Variants in TRIM2 observed in about 807,000 individuals in gnomAD.
TRIM2 encodes tripartite motif-containing protein 2.
A neutral mutation model predicts 75.2 loss-of-function variants in TRIM2; 20 were observed. The ratio of observed to expected loss-of-function variants is 0.27; its 90% CI spans 0.19 to 0.39. The LOEUF is 0.39. Ranked by LOEUF, TRIM2 falls within the 10% of genes least tolerant of loss-of-function variation. The pLI is 1.00. For missense variants in TRIM2, 660 were observed against 990.8 expected, an observed-to-expected ratio of 0.67 and a Z score of 4.48; for synonymous variants, 373 against 388.3, an observed-to-expected ratio of 0.96 and a Z score of 0.46.
At position 153,315,983 on chromosome 4, in the gene TRIM2, C is replaced by T. The variant is rs921922842; in HGVS notation, c.1766C>T (p.Ser589Phe). ...YDNKWVSIFS[S>F]DGKFKTKIGS... ...AATAAATGGGTCAGCATTTTCTCCT[C>T]CGATGGGAAATTTAAGGTAAGATTA... The change falls in exon 8 of 12, where the codon TCC becomes TTC. Residue 589 changes from serine (S) to phenylalanine (F), a missense_variant. Ser to Phe is a radical substitution (Grantham distance 155). Around this residue, in one of 2 missense-constraint regions of TRIM2, gnomAD observed 620 missense variants for 891.0 expected, o/e 0.70. Coordinates refer to ENST00000338700, the MANE Select transcript of TRIM2 (RefSeq NM_015271.5). 2 of 1,569,602 alleles carry T rather than the reference C, an allele frequency of 1.3e-6. No individual in the cohort carries two copies. The highest frequency in any genetic ancestry group is 2.7e-5 in the African/African-American group (2 of 73,024).
intron 3 of TRIM2, among the ~76,000 whole-genome samples, chr4:153,281,880 G>C (rs1428780639): frequency 6.6e-6 from 1 of 152,226 alleles, no homozygotes; most frequent in Non-Finnish European, 1.5e-5. Context: ...GTTATTGGTT[G>C]CTTAGGCACC....
intron 1 of TRIM2, among the ~76,000 whole-genome samples, chr4:153,196,992 T>A (rs1018967928): frequency 4.6e-5 from 7 of 152,222 alleles, no homozygotes; most frequent in Non-Finnish European, 7.3e-5. Context: ...ATTGGTCATA[T>A]GCAGACCGAG....
chr4:153,292,615 A>T lies in TRIM2; in HGVS notation c.454-367A>T, dbSNP rs568308950. Among the ~76,000 whole-genome samples the T allele has an allele frequency of 4.7e-4, 72 of 152,344 alleles. No homozygotes were observed. In the South Asian group the frequency reaches 6.0e-3, roughly 13 times the overall value. Reference sequence around the variant, plus strand: ...CTAGTTTCAATTTTTAATATAAGAAATATCTATAAATATAACCCACATACA... The same window carrying T: ...CTAGTTTCAATTTTTAATATAAGAATTATCTATAAATATAACCCACATACA... On this transcript the variant is annotated intron_variant, in intron 3 of 11. Coordinates refer to ENST00000338700, the MANE Select transcript of TRIM2 (RefSeq NM_015271.5).
At chr4:153,186,225 G>C (rs1266035098) in intron 1 of TRIM2, among the ~76,000 whole-genome samples, 1 of 152,078 alleles carries the variant, frequency 6.6e-6, no homozygotes, top group African/African-American at 2.4e-5. Flanking sequence ...GGCGTGGTCT[G>C]AGTGCTGGGA....
chr4:153,295,320 A>G lies in TRIM2; in HGVS notation c.794A>G (p.Gln265Arg), dbSNP rs1435813734. The G allele has an allele frequency of 2.5e-6, 4 of 1,593,162 alleles. No homozygotes were observed. In the Admixed American group the frequency reaches 5.2e-5, roughly 21 times the overall value. ...VNYGLKHKVL[Q>R]SQLDTLLQGQ... ...CCTCCGGTTTTCCCGCAGGTCCTCC[A>G]GTCGCAGCTGGATACTCTGCTCCAG... The change falls in exon 6 of 12, where the codon CAG (glutamine) becomes CGG (arginine). Residue 265 changes from glutamine (Q) to arginine (R), a missense_variant. By Grantham distance (43) the Gln-to-Arg change is conservative. Transcript: ENST00000338700. This position sits in a 1 kb window ranked among gnomAD's most constrained non-coding sequence, Gnocchi z 7.2.
intron 5 of TRIM2, 39 bp downstream of exon 5, chr4:153,294,524 T>G: frequency 6.3e-7 from 1 of 1,599,602 alleles, no homozygotes; most frequent in African/African-American, 1.3e-5. Flanking sequence ...GGAAGAGACA[T>G]GATATCCAAG....
At chr4:153,293,855 C>A (rs189851429) in intron 4 of TRIM2, among the ~76,000 whole-genome samples, 1 of 152,082 alleles carries the variant, frequency 6.6e-6, no homozygotes, top group East Asian at 1.9e-4. Context: ...CTCAGCCATT[C>A]GGCAATGCCT....
intron 1 of TRIM2, among the ~76,000 whole-genome samples, chr4:153,244,662 G>T (rs894022422): frequency 2.6e-5 from 4 of 151,948 alleles, no homozygotes; most frequent in Admixed American, 1.3e-4. Context: ...TTTATTAATT[G>T]CAGTGTCTTT....
chr4:153,247,995 GTTTTTT>G (rs34416658), intron 1 of TRIM2, among the ~76,000 whole-genome samples: 1 of 128,742 alleles, frequency 7.8e-6, no homozygotes, highest in African/African-American at 3.0e-5. Flanking sequence ...TGGATCATGT[GTTTTTT>G]TTTTTTTTTT....
At chr4:153,263,964 G>C in intron 1 of TRIM2, among the ~76,000 whole-genome samples, 1 of 152,156 alleles carries the variant, frequency 6.6e-6, no homozygotes, top group East Asian at 1.9e-4. Context: ...TCACATTGGG[G>C]GTTAGGGCTT....
chr4:153,244,183 C>T (rs1747626469), intron 1 of TRIM2, among the ~76,000 whole-genome samples: 3 of 139,868 alleles, frequency 2.1e-5, no homozygotes, highest in South Asian at 2.3e-4. Flanking sequence ...TCTTCTTCTC[C>T]TCCTTCTTCT....
intron 1 of TRIM2, among the ~76,000 whole-genome samples, chr4:153,174,086 C>T (rs559707389): frequency 1.6e-3 from 60 of 37,064 alleles, no homozygotes; most frequent in Non-Finnish European, 2.7e-3. Context: ...GAATAGCCCT[C>T]GTGGGTGCCT....
chr4:153,210,678 G>T (rs759886207), intron 1 of TRIM2, among the ~76,000 whole-genome samples: 1 of 152,178 alleles, frequency 6.6e-6, no homozygotes, highest in African/African-American at 2.4e-5. Context: ...CGAAACAGCA[G>T]CAATCAGTGA....
At chr4:153,237,252 CATT>C (rs1745272255) in intron 1 of TRIM2, among the ~76,000 whole-genome samples, 1 of 152,130 alleles carries the variant, frequency 6.6e-6, no homozygotes, top group Admixed American at 6.6e-5. Flanking sequence ...GGCATGTAAA[CATT>C]AGTACCATAT....
At chr4:153,186,456 G>T (rs1732604940) in intron 1 of TRIM2, among the ~76,000 whole-genome samples, 1 of 152,146 alleles carries the variant, frequency 6.6e-6, no homozygotes, top group African/African-American at 2.4e-5. Flanking sequence ...TTAACCTCAG[G>T]TAAATACTTA....
rs147354086 is a variant in TRIM2 at position 153,326,838 on chromosome 4, G to A, written c.2023-1692G>A. Among the ~76,000 whole-genome samples, 664 of 152,106 alleles carry A rather than the reference G, an allele frequency of 4.4e-3. 4 individuals are homozygous for A. Among genetic ancestry groups the A allele is most frequent in the African/African-American group, 0.015 (615 of 41,490 alleles). ...TCCAGTAAAAATACAAAAATTAGCC[G>A]GGCGTGGTGGTGGGCGCCTGTAACC... On this transcript the variant is annotated intron_variant, in intron 10 of 11. Transcript: ENST00000338700.
rs1005184404 is a variant in TRIM2, at chr4:153,248,002, T to TG, written c.31-22333_31-22332insG. ...TCAGGCATTGGATCATGTGTTTTTT[T>TG]TTTTTTTTTTTGAGATGGAGTCTCG... On this transcript the variant is annotated intron_variant, in intron 1 of 11. Transcript: ENST00000338700. The surrounding 1 kb of genome is among the most constrained non-coding windows in gnomAD (Gnocchi z 4.0). Among the ~76,000 whole-genome samples the TG allele has an allele frequency of 2.7e-5, 4 of 150,826 alleles. No individual in the cohort carries two copies. Among genetic ancestry groups the TG allele is most frequent in the African/African-American group, 9.8e-5 (4 of 40,850 alleles).
At chr4:153,204,141 C>T (rs561531879), upstream of TRIM2, among the ~76,000 whole-genome samples, 3 of 152,278 alleles carry the variant, frequency 2.0e-5, no homozygotes, top group East Asian at 5.8e-4. Context: ...TTTAAAAATA[C>T]ATATTATTAT....
chr4:153,219,021 G>A (rs1029556247), intron 1 of TRIM2, among the ~76,000 whole-genome samples: 1 of 152,034 alleles, frequency 6.6e-6, no homozygotes, highest in African/African-American at 2.4e-5. Context: ...TTGGATTATA[G>A]TTAATTGTGT....
Sources: gnomAD v4.1 joint callset for allele counts (sites outside exome capture counted in the v4.1 genomes callset) on GRCh38, gnomAD v4.1.1 for gene constraint, gnomAD v4.1.1 regional missense constraint, Gnocchi (gnomAD v3.1) non-coding constraint, MANE v1.5 for transcripts, NCBI Gene and HGNC (gene_info 2026-07-23, HGNC 2026-07-21) for gene names.